The following DLGAP1 variants were observed in gnomAD, a reference collection of about 807,000 sequenced individuals.
DLGAP1 encodes the protein disks large-associated protein 1.
In DLGAP1, 11 loss-of-function variants were observed where a neutral mutation model predicts 90.8. That is an observed-to-expected ratio of 0.12 (90% CI 0.08 to 0.20). The LOEUF is 0.20. Ranked by LOEUF, DLGAP1 falls within the 10% of genes least tolerant of loss-of-function variation. The pLI is 1.00. For missense variants in DLGAP1, 1,050 were observed against 1,333.8 expected, an observed-to-expected ratio of 0.79 and a Z score of 3.31; for synonymous variants, 558 against 540.7, an observed-to-expected ratio of 1.03 and a Z score of -0.44.
intron 1 of DLGAP1, among the ~76,000 whole-genome samples, chr18:4,300,245 C>T (rs1386590819): frequency 2.6e-5 from 4 of 152,138 alleles, no homozygotes; most frequent in African/African-American, 9.7e-5. Flanking sequence ...GGTTTTAATA[C>T]ATATTTTGTC....
At chr18:4,158,579 G>A (rs1043201608) in intron 1 of DLGAP1, among the ~76,000 whole-genome samples, 12 of 152,124 alleles carry the variant, frequency 7.9e-5, no homozygotes, top group Non-Finnish European at 1.8e-4. Flanking sequence ...TAGTACAACT[G>A]CAAACTGAAT....
At position 3,522,169 on chromosome 18, in the gene DLGAP1, G is replaced by A. The variant is rs995174197; in HGVS notation, c.2479+12025C>T. On this transcript the variant is annotated intron_variant, in intron 10 of 12. Coordinates refer to ENST00000315677, the MANE Select transcript of DLGAP1 (RefSeq NM_004746.4). ...TTTTTTTTTTTAGACAGAGTTTCAC[G>A]CTTGTTGCCCAGGCTGGAGTGCAAT... Among the ~76,000 whole-genome samples, 5 of 112,760 alleles carry A rather than the reference G, an allele frequency of 4.4e-5. No individual in the cohort carries two copies. The East Asian group carries it at 1.1e-3, about 24-fold the overall frequency. The allele number at this position is 112,760 out of a possible 152,430, so 74.0% of individuals were successfully genotyped here.
At chr18:4,147,334 C>A (rs897559539) in intron 2 of DLGAP1, among the ~76,000 whole-genome samples, 2 of 152,004 alleles carry the variant, frequency 1.3e-5, no homozygotes, top group Non-Finnish European at 1.5e-5. Context: ...CGTGAGAGAC[C>A]CTGTTTATTA....
intron 1 of DLGAP1, among the ~76,000 whole-genome samples, chr18:4,339,731 G>A (rs578081850): frequency 6.6e-6 from 1 of 152,182 alleles, no homozygotes; most frequent in South Asian, 2.1e-4. Flanking sequence ...AGTTATCCAA[G>A]ATGGATTTAA....
chr18:3,855,748 G>T (rs2069603216), intron 4 of DLGAP1, among the ~76,000 whole-genome samples: 1 of 152,054 alleles, frequency 6.6e-6, no homozygotes, highest in African/African-American at 2.4e-5. Context: ...CAAGTAGCTG[G>T]GACTACAGAC....
chr18:4,320,313 G>C (rs565575096), intron 1 of DLGAP1, among the ~76,000 whole-genome samples: 1 of 152,048 alleles, frequency 6.6e-6, no homozygotes, highest in East Asian at 1.9e-4. Context: ...TTCCCTTTTT[G>C]TTTCTAGATG....
At chr18:3,740,803 C>A (rs1886121432) in intron 6 of DLGAP1, among the ~76,000 whole-genome samples, 2 of 150,468 alleles carry the variant, frequency 1.3e-5, no homozygotes, top group Admixed American at 1.3e-4. Context: ...TCATAACCAC[C>A]ACCGCCACCA....
chr18:4,333,760 C>T (rs1382688726), intron 1 of DLGAP1, among the ~76,000 whole-genome samples: 1 of 151,034 alleles, frequency 6.6e-6, no homozygotes, highest in Non-Finnish European at 1.5e-5. Flanking sequence ...GCTGGAACTA[C>T]AGGCGCCCAC....
chr18:3,773,620 G>T (rs1210662445), intron 5 of DLGAP1, among the ~76,000 whole-genome samples: 1 of 152,166 alleles, frequency 6.6e-6, no homozygotes, highest in Non-Finnish European at 1.5e-5. Context: ...GCAAGTTCTG[G>T]TGTACCTAAC....
chr18:4,344,229 T>C (rs1252906498), intron 1 of DLGAP1, among the ~76,000 whole-genome samples: 1 of 152,222 alleles, frequency 6.6e-6, no homozygotes. Context: ...TGTCATGCAC[T>C]ATGCGTTATA....
intron 1 of DLGAP1, among the ~76,000 whole-genome samples, chr18:4,170,611 A>G (rs1568431987): frequency 6.6e-6 from 1 of 152,166 alleles, no homozygotes; most frequent in Non-Finnish European, 1.5e-5. Context: ...TGACCCCAGG[A>G]CATCTGACTT....
intron 7 of DLGAP1, among the ~76,000 whole-genome samples, chr18:3,643,459 C>A (rs1052897047): frequency 2.0e-5 from 3 of 151,790 alleles, no homozygotes; most frequent in Non-Finnish European, 4.4e-5. Context: ...GTCAGGAGAT[C>A]GAGACCATCC....
At chr18:3,977,434 G>GTTTTTTTTTTTTTTTTTTTTTTTTTT (rs58599574) in intron 3 of DLGAP1, among the ~76,000 whole-genome samples, 3 of 95,330 alleles carry the variant, frequency 3.1e-5, no homozygotes, top group African/African-American at 1.3e-4. Context: ...TTTATTCTGT[G>GTTTTTTTTTTTTTTTTTTTTTTTTTT]TTTTTTTTTT....
At chr18:4,068,776 A>C (rs2075405470) in intron 2 of DLGAP1, among the ~76,000 whole-genome samples, 1 of 152,180 alleles carries the variant, frequency 6.6e-6, no homozygotes, top group African/African-American at 2.4e-5. Flanking sequence ...ACTACAGTGA[A>C]CATGTCAAAT....
At position 3,789,426 on chromosome 18, in the gene DLGAP1, G is replaced by A. The variant is rs375825498; in HGVS notation, c.1172+24633C>T. ...ATGTGGAGCTCAGACGGAAGGCCGG[G>A]GCCGAAGAGGTAAGTTTGGGGGTTA... On this transcript the variant is annotated intron_variant, in intron 5 of 12. Coordinates refer to ENST00000315677, the MANE Select transcript of DLGAP1 (RefSeq NM_004746.4). Among the ~76,000 whole-genome samples, 52 of 152,162 alleles carry A rather than the reference G, an allele frequency of 3.4e-4. 1 individual carries two copies. Among genetic ancestry groups the A allele is most frequent in the African/African-American group, 1.2e-3 (48 of 41,438 alleles).
At position 4,334,251 on chromosome 18, in the gene DLGAP1, A is replaced by G. The variant is rs565356446; in HGVS notation, c.-267+120755T>C. Among the ~76,000 whole-genome samples, 7 of 151,752 alleles carry G rather than the reference A, an allele frequency of 4.6e-5. No individual in the cohort carries two copies. The South Asian group carries it at 1.5e-3, about 32-fold the overall frequency. ...GAAACTCCATCAAACAAACAAACAAACAAACAAAAAAACAACGCTCACCTC... is the reference window on the plus strand; with the variant it reads ...GAAACTCCATCAAACAAACAAACAAGCAAACAAAAAAACAACGCTCACCTC... On this transcript the variant is annotated intron_variant, in intron 1 of 12. Transcript: ENST00000315677.
At chr18:4,162,910 GT>G (rs113123963) in intron 1 of DLGAP1, among the ~76,000 whole-genome samples, 5,596 of 148,636 alleles carry the variant, frequency 0.038, 299 homozygotes, top group African/African-American at 0.11. Context: ...AATAATCAGA[GT>G]TTTTTTTTAA....
chr18:4,270,400 A>G (rs992676111), intron 1 of DLGAP1, among the ~76,000 whole-genome samples: 11 of 152,192 alleles, frequency 7.2e-5, no homozygotes, highest in Non-Finnish European at 8.8e-5. Flanking sequence ...CTCAAATGGC[A>G]TCATTTGGGA....
chr18:4,383,302 T>C lies in DLGAP1; in HGVS notation c.-267+71704A>G, dbSNP rs2082167369. Among the ~76,000 whole-genome samples, 1 of 152,228 alleles carries C rather than the reference T, an allele frequency of 6.6e-6. No homozygotes were observed. Among genetic ancestry groups the C allele is most frequent in the Admixed American group, 6.5e-5 (1 of 15,268 alleles). On this transcript the variant is annotated intron_variant, in intron 1 of 12. Coordinates refer to ENST00000315677, the MANE Select transcript of DLGAP1 (RefSeq NM_004746.4). This position sits in a 1 kb window ranked among gnomAD's most constrained non-coding sequence, Gnocchi z 4.0. Reference sequence around the variant, plus strand: ...AAAATTCAACTACTGTGCAAGCATATTTATTAATGAGTAAAATAATATGTA... The same window carrying C: ...AAAATTCAACTACTGTGCAAGCATACTTATTAATGAGTAAAATAATATGTA...
Sources: allele counts gnomAD v4.1 joint callset (sites outside exome capture counted in the v4.1 genomes callset), GRCh38; gene constraint gnomAD v4.1.1; non-coding constraint Gnocchi (gnomAD v3.1); transcripts MANE v1.5; gene names NCBI Gene and HGNC (gene_info 2026-07-23, HGNC 2026-07-21).